Variants in PIEZO2 observed in about 807,000 individuals in gnomAD.
The protein encoded by PIEZO2 is piezo type mechanosensitive ion channel component 2.
Under a neutral mutation model 337.3 loss-of-function variants are expected in PIEZO2, and 172 were observed. That is an observed-to-expected ratio of 0.51 (90% CI 0.45 to 0.58). The LOEUF is 0.58. Among genes scored for constraint, PIEZO2 ranks in the 20% least tolerant of loss-of-function variants. The pLI is 0.00. For missense variants in PIEZO2, 3,028 were observed against 3,391.3 expected (o/e 0.89, Z 2.66); for synonymous variants, 1,251 against 1,228.5 (o/e 1.02, Z -0.38).
At chr18:10,685,020 C>T (rs180955553) in intron 49 of PIEZO2, among the ~76,000 whole-genome samples, 3 of 152,142 alleles carry the variant, frequency 2.0e-5, no homozygotes, top group Non-Finnish European at 4.4e-5. Context: ...CAATCAGCTT[C>T]CTGAAATGTT....
intron 2 of PIEZO2, among the ~76,000 whole-genome samples, chr18:11,045,170 G>A (rs921827374): frequency 6.6e-6 from 1 of 151,472 alleles, no homozygotes; most frequent in African/African-American, 2.4e-5. Flanking sequence ...GGTGGCAGGC[G>A]ACTGTAGTCT....
chr18:11,084,035 G>T (rs893346910), intron 1 of PIEZO2, among the ~76,000 whole-genome samples: 1 of 152,028 alleles, frequency 6.6e-6, no homozygotes, highest in African/African-American at 2.4e-5. Flanking sequence ...AAATTAGCCA[G>T]GTGTGGTGGT....
chr18:11,139,290 C>G (rs1333313163), intron 1 of PIEZO2, among the ~76,000 whole-genome samples: 1 of 152,120 alleles, frequency 6.6e-6, no homozygotes, highest in Non-Finnish European at 1.5e-5. Context: ...TGGCGTTAGA[C>G]CTGGGGCTCT....
chr18:10,705,185 T>C, intron 41 of PIEZO2, 151 bp downstream of exon 41: 1 of 1,032,064 alleles, frequency 9.7e-7, no homozygotes, highest in Non-Finnish European at 1.4e-6. Flanking sequence ...GCTTTGTACT[T>C]GCAGTGCAAG....
intron 5 of PIEZO2, among the ~76,000 whole-genome samples, chr18:10,858,454 G>C (rs1372352808): frequency 2.0e-5 from 3 of 151,928 alleles, no homozygotes; most frequent in Non-Finnish European, 4.4e-5. Flanking sequence ...TAGGCTGACA[G>C]ACTTCATATC....
intron 1 of PIEZO2, among the ~76,000 whole-genome samples, chr18:11,121,458 G>A (rs1436868576): frequency 6.6e-6 from 1 of 151,976 alleles, no homozygotes; most frequent in Non-Finnish European, 1.5e-5. Flanking sequence ...CTTAGCTACT[G>A]GGGAGGCTGA....
At chr18:10,883,812 A>G (rs373335918) in intron 4 of PIEZO2, among the ~76,000 whole-genome samples, 4 of 54,428 alleles carry the variant, frequency 7.3e-5, no homozygotes, top group African/African-American at 2.8e-4. Flanking sequence ...TATGAGTCCT[A>G]CTTCTTTTTT....
intron 3 of PIEZO2, among the ~76,000 whole-genome samples, chr18:10,977,001 A>ATGTG (rs59666101): frequency 0.35 from 50,209 of 142,658 alleles, 8,821 homozygotes; most frequent in East Asian, 0.47. Flanking sequence ...AAGAACAAAT[A>ATGTG]TGTGTGTGTG....
At position 10,931,877 on chromosome 18, in the gene PIEZO2, T is replaced by C. The variant is rs189976745; in HGVS notation, c.287-20649A>G. On this transcript the variant is annotated intron_variant, in intron 3 of 55. Transcript: ENST00000674853. ...ATGCATGAATGTACCTTAATTTATT[T>C]AGCTAGTTCCTCTGGGTTGGGCACA... is the stretch of plus-strand genomic sequence containing the variant. 7.2e-5 allele frequency among the ~76,000 whole-genome samples: 11 copies of C among 152,366 alleles called. No individual in the cohort carries two copies. In the East Asian group the frequency reaches 2.1e-3, roughly 29 times the overall value.
Position 10,855,485 on chromosome 18 carries a change from G to A in PIEZO2, c.785C>T (p.Thr262Met), listed in dbSNP as rs546609706. The A allele has an allele frequency of 5.2e-6, 8 of 1,537,030 alleles. No homozygotes were observed. In the South Asian group the frequency reaches 5.9e-5, roughly 11 times the overall value. Residue 262 changes from threonine (T) to methionine (M), a missense_variant, in exon 7 of 56, where the codon ACG (threonine) becomes ATG (methionine). Transcript: ENST00000674853. This position sits in a 1 kb window ranked among gnomAD's most constrained non-coding sequence, Gnocchi z 4.9. Reference sequence around the variant, plus strand: ...ACAGCTGAACAGCAATGGGTCGAACGTCCGGCACCAGGACCACCAGGTGCA... The same window carrying A: ...ACAGCTGAACAGCAATGGGTCGAACATCCGGCACCAGGACCACCAGGTGCA... ...GLCTWWSWCR[T>M]FDPLLFSCLC...
rs371697654 is a variant in PIEZO2 at position 10,725,617 on chromosome 18, C to G, written c.5029+5790G>C. ...CTTCCTGAGCAGCCGCCTCCGCCCT[C>G]TGGCTCACAGAGGTAGGCCAGAACA... On this transcript the variant is annotated intron_variant, in intron 36 of 55. Coordinates refer to ENST00000674853, the MANE Select transcript of PIEZO2 (RefSeq NM_001378183.1). 2.9e-3 allele frequency among the ~76,000 whole-genome samples: 445 copies of G among 152,360 alleles called. 4 individuals are homozygous for G. Among genetic ancestry groups the G allele is most frequent in the African/African-American group, 9.9e-3 (411 of 41,588 alleles).
intron 36 of PIEZO2, among the ~76,000 whole-genome samples, chr18:10,722,017 G>T (rs2036332317): frequency 6.6e-6 from 1 of 152,030 alleles, no homozygotes; most frequent in East Asian, 1.9e-4. Flanking sequence ...AGCCAAGTGT[G>T]GTGGTATGTG....
intron 3 of PIEZO2, among the ~76,000 whole-genome samples, chr18:10,947,710 T>C (rs1293884037): frequency 6.6e-6 from 1 of 152,170 alleles, no homozygotes; most frequent in Non-Finnish European, 1.5e-5. Context: ...ATAGGATAGT[T>C]TATACATTAA....
intron 1 of PIEZO2, among the ~76,000 whole-genome samples, chr18:11,089,124 G>A (rs190125488): frequency 6.6e-6 from 1 of 152,176 alleles, no homozygotes; most frequent in Admixed American, 6.5e-5. Context: ...GAATCTTTGG[G>A]GCGGTCCCCT....
In PIEZO2 at chr18:10,982,817, T is replaced by C. The variant is rs1180371960; in HGVS notation, c.161-3157A>G. On this transcript the variant is annotated intron_variant, in intron 2 of 55. Transcript: ENST00000674853. The surrounding 1 kb of genome is among the most constrained non-coding windows in gnomAD (Gnocchi z 4.1). ...CTTACTGCAACTTCCACCTCCCAGG[T>C]TCAAGCGATTCTTGTGCCTCAGCCT... Among the ~76,000 whole-genome samples the C allele has an allele frequency of 6.6e-6, 1 of 152,070 alleles. No homozygotes were observed. Among genetic ancestry groups the C allele is most frequent in the East Asian group, 1.9e-4 (1 of 5,172 alleles).
rs1336299305 is a variant in PIEZO2 at position 10,744,039 on chromosome 18, T to A, written c.4514+103A>T. 3 of 743,412 alleles carry A rather than the reference T, an allele frequency of 4.0e-6. No homozygotes were observed. The East Asian group carries it at 8.3e-5, about 20-fold the overall frequency. 46.1% of individuals were successfully genotyped at this position (743,412 alleles called of 1,614,324 possible). On this transcript the variant is annotated intron_variant, in intron 31 of 55. Coordinates refer to ENST00000674853, the MANE Select transcript of PIEZO2 (RefSeq NM_001378183.1). ...AGGAAGTTGTGAAAGTCCATACATA[T>A]ATATTTTTCAGGGGTTTGAGGCTCC...
At chr18:11,082,475 G>A (rs907405544) in intron 1 of PIEZO2, among the ~76,000 whole-genome samples, 1 of 151,932 alleles carries the variant, frequency 6.6e-6, no homozygotes, top group Non-Finnish European at 1.5e-5. Flanking sequence ...CCGCCACCAC[G>A]CCCGGCTAAT....
chr18:10,897,881 A>C (rs2042943828), intron 4 of PIEZO2, among the ~76,000 whole-genome samples: 1 of 152,224 alleles, frequency 6.6e-6, no homozygotes, highest in African/African-American at 2.4e-5. Context: ...TTTATACAGG[A>C]AATGATTGCT....
rs577530473 is a variant in PIEZO2, at chr18:11,047,638, C to T, written c.160+18489G>A. ...CAACACTCCAGGCAATAGGGAGAAT[C>T]GAAGTCTTGGTCCTAAGGAGGAGGG... On this transcript the variant is annotated intron_variant, in intron 2 of 55. Coordinates refer to ENST00000674853, the MANE Select transcript of PIEZO2 (RefSeq NM_001378183.1). This position sits in a 1 kb window ranked among gnomAD's most constrained non-coding sequence, Gnocchi z 7.2. Among the ~76,000 whole-genome samples the T allele has an allele frequency of 5.9e-5, 9 of 152,104 alleles. No individual in the cohort carries two copies. Among genetic ancestry groups the T allele is most frequent in the African/African-American group, 9.7e-5 (4 of 41,416 alleles).
Sources: allele counts gnomAD v4.1 joint callset (sites outside exome capture counted in the v4.1 genomes callset), GRCh38; gene constraint gnomAD v4.1.1; non-coding constraint Gnocchi (gnomAD v3.1); transcripts MANE v1.5; gene names NCBI Gene and HGNC (gene_info 2026-07-23, HGNC 2026-07-21).